Variants in RELCH observed in about 807,000 individuals in gnomAD.
The protein encoded by RELCH is RAB11-binding protein RELCH.
A neutral mutation model predicts 150.3 loss-of-function variants in RELCH; 41 were observed. The ratio of observed to expected loss-of-function variants is 0.27; its 90% CI spans 0.21 to 0.35. The LOEUF (loss-of-function observed/expected upper bound fraction) is 0.35. Among genes scored for constraint, RELCH ranks in the 10% least tolerant of loss-of-function variants. RELCH has a pLI of 1.00. For synonymous variants in RELCH, 478 were observed against 531.8 expected (o/e 0.90, Z 1.39); for missense variants, 1,092 against 1,467.8 (o/e 0.74, Z 4.18).
rs1330075987 is a variant in RELCH, at chr18:62,279,833, T to C, written c.3027T>C (p.Ile1009=). The C allele has an allele frequency of 6.5e-7, 1 of 1,535,450 alleles. No homozygotes were observed. The highest frequency in any genetic ancestry group is 8.7e-7 in the Non-Finnish European group (1 of 1,146,352). ...LVAQRVVPAL[I]TLSSDPEISV... ...CTCAGAGGGTTGTTCCTGCTCTCATTACTCTCTCCAGTGACCCTGAAATGT... is the reference window on the plus strand; with the variant it reads ...CTCAGAGGGTTGTTCCTGCTCTCATCACTCTCTCCAGTGACCCTGAAATGT... Residue 1009 remains isoleucine (I), a synonymous_variant, in exon 23 of 29, where the codon ATT becomes ATC. Transcript: ENST00000644646.
At chr18:62,215,969 T>C (rs1259494408) in intron 2 of RELCH, among the ~76,000 whole-genome samples, 2 of 152,208 alleles carry the variant, frequency 1.3e-5, no homozygotes, top group African/African-American at 4.8e-5. Context: ...TACATTTTTA[T>C]ATAAAATGAT....
At chr18:62,265,152 A>G (rs2043485327) in intron 18 of RELCH, among the ~76,000 whole-genome samples, 1 of 152,076 alleles carries the variant, frequency 6.6e-6, no homozygotes, top group African/African-American at 2.4e-5. Flanking sequence ...GAACTCAACC[A>G]CAATCCTTTG....
At chr18:62,263,736 T>G (rs2043397512) in intron 16 of RELCH, among the ~76,000 whole-genome samples, 1 of 152,050 alleles carries the variant, frequency 6.6e-6, no homozygotes, top group Admixed American at 6.6e-5. Context: ...GATAAAAATT[T>G]CTGCTCATAG....
intron 7 of RELCH, 23 bp downstream of exon 7, chr18:62,227,712 T>C: frequency 1.6e-6 from 2 of 1,241,896 alleles, no homozygotes; most frequent in Non-Finnish European, 2.3e-6. Flanking sequence ...TCATTATTCC[T>C]AAAAATCCTC....
At chr18:62,258,178 G>A (rs1470005010) in intron 14 of RELCH, 90 bp downstream of exon 14, 23 of 1,191,904 alleles carry the variant, frequency 1.9e-5, no homozygotes, top group East Asian at 7.8e-5. Context: ...ACTTTATAAT[G>A]TATCATAAGG....
intron 11 of RELCH, chr18:62,246,795 A>G (rs904382072): frequency 6.6e-6 from 1 of 152,174 alleles, no homozygotes; most frequent in Non-Finnish European, 1.5e-5. Context: ...ATCCATTCAG[A>G]GATTATTATT....
intron 2 of RELCH, among the ~76,000 whole-genome samples, chr18:62,218,776 G>C (rs571024788): frequency 6.6e-6 from 1 of 151,888 alleles, no homozygotes; most frequent in Non-Finnish European, 1.5e-5. Context: ...CATTCCTGCA[G>C]CATTTTTAAT....
At chr18:62,220,855 C>G in intron 2 of RELCH, 182 bp from the exon 3 acceptor site, 1 of 616,786 alleles carries the variant, frequency 1.6e-6, no homozygotes, top group East Asian at 2.9e-5. Context: ...AAACATTCAC[C>G]AGTTTGCTTG....
intron 19 of RELCH, among the ~76,000 whole-genome samples, chr18:62,267,923 A>G (rs2043676532): frequency 6.6e-6 from 1 of 152,018 alleles, no homozygotes; most frequent in Non-Finnish European, 1.5e-5. Flanking sequence ...ATGTTCTAAC[A>G]TTAACATCCA....
intron 28 of RELCH, among the ~76,000 whole-genome samples, chr18:62,304,884 AG>A (rs1391368543): frequency 1.4e-4 from 21 of 152,354 alleles, no homozygotes; most frequent in Middle Eastern, 3.4e-3. Flanking sequence ...CCCCCTAAAA[AG>A]GAATATACCA....
In RELCH at chr18:62,217,910, G is replaced by C. The variant is rs554442562; in HGVS notation, c.617-3127G>C. Among the ~76,000 whole-genome samples the C allele has an allele frequency of 2.0e-5, 3 of 152,010 alleles. No individual in the cohort carries two copies. The South Asian group carries it at 6.2e-4, about 32-fold the overall frequency. ...CACCAAGTTGAATATAGAAAAACAA[G>C]TATCTACAAACTATGGAGATTGCAT... On this transcript the variant is annotated intron_variant, in intron 2 of 28. Coordinates refer to ENST00000644646, the MANE Select transcript of RELCH (RefSeq NM_001346231.2).
intron 2 of RELCH, among the ~76,000 whole-genome samples, chr18:62,216,581 T>C (rs1440109041): frequency 2.6e-5 from 4 of 152,110 alleles, no homozygotes; most frequent in Non-Finnish European, 2.9e-5. Flanking sequence ...AGTATCGGAA[T>C]GTCCATTCAT....
At position 62,279,809 on chromosome 18, in the gene RELCH, T is replaced by C; in HGVS notation, c.3003T>C (p.Ala1001=). ...AGGGGGTGAATGAAACTCTGGTAGC[T>C]CAGAGGGTTGTTCCTGCTCTCATTA... ...LVKGVNETLV[A]QRVVPALITL... Residue 1001 remains alanine (A), a synonymous_variant, in exon 23 of 29, where the codon GCT becomes GCC. Transcript: ENST00000644646. 6.5e-7 allele frequency: 1 copy of C among 1,535,826 alleles called. No homozygotes were observed. Among genetic ancestry groups the C allele is most frequent in the Non-Finnish European group, 8.7e-7 (1 of 1,146,682 alleles).
At chr18:62,279,956 A>G in intron 23 of RELCH, 100 bp downstream of exon 23, 1 of 728,674 alleles carries the variant, frequency 1.4e-6, no homozygotes, top group South Asian at 1.7e-5. Context: ...ATCTCTTTAA[A>G]TTAATAATAC....
chr18:62,291,566 A>G lies in RELCH; in HGVS notation c.3394A>G (p.Asn1132Asp). 6.2e-7 allele frequency: 1 copy of G among 1,609,938 alleles called. No individual in the cohort carries two copies. The highest frequency in any genetic ancestry group is 8.5e-7 in the Non-Finnish European group (1 of 1,177,778). ...AGTCATTTCAGAGGATTTAATGGTT[A>G]ATCACTTTTTACCTGGTCTCAGATG... ...CCFISEDLMV[N>D]HFLPGLRCLR... is the part of the protein sequence containing the mutation. Residue 1132 changes from asparagine to aspartate, a missense_variant, in exon 27 of 29, where the codon AAT (asparagine) becomes GAT (aspartate). This residue lies in a region of RELCH where 707 missense variants were observed against 1,025.4 expected (regional missense o/e 0.69). Coordinates refer to ENST00000644646, the MANE Select transcript of RELCH (RefSeq NM_001346231.2).
intron 5 of RELCH, among the ~76,000 whole-genome samples, chr18:62,224,802 A>G (rs928800781): frequency 1.3e-5 from 2 of 152,082 alleles, no homozygotes; most frequent in African/African-American, 2.4e-5. Context: ...CAAGGTAACA[A>G]TTTTGATTTG....
intron 1 of RELCH, among the ~76,000 whole-genome samples, chr18:62,210,833 T>C (rs146995926): frequency 6.6e-6 from 1 of 152,202 alleles, no homozygotes; most frequent in African/African-American, 2.4e-5. Flanking sequence ...AGTAGGCACT[T>C]GTTCAATCTG....
chr18:62,252,600 T>A, intron 11 of RELCH, 64 bp from the exon 12 acceptor site: 1 of 1,179,270 alleles, frequency 8.5e-7, no homozygotes, highest in Non-Finnish European at 1.3e-6. Flanking sequence ...GAGACTTTTT[T>A]AACCCTTAGT....
chr18:62,290,238 T>G (rs2045042578), intron 26 of RELCH, among the ~76,000 whole-genome samples: 1 of 152,166 alleles, frequency 6.6e-6, no homozygotes, highest in South Asian at 2.1e-4. Flanking sequence ...GTCATCTAAT[T>G]TAATCATCTT....
Sources: gnomAD v4.1 joint callset for allele counts (sites outside exome capture counted in the v4.1 genomes callset) on GRCh38, gnomAD v4.1.1 for gene constraint, gnomAD v4.1.1 regional missense constraint, MANE v1.5 for transcripts, NCBI Gene and HGNC (gene_info 2026-07-23, HGNC 2026-07-21) for gene names.